Variants in ADAMTSL1 observed in about 807,000 individuals in gnomAD.
ADAMTSL1 encodes the protein ADAMTS like 1.
A neutral mutation model predicts 201.8 loss-of-function variants in ADAMTSL1; 126 were observed. The ratio of observed to expected loss-of-function variants is 0.62; its 90% CI spans 0.54 to 0.72. The LOEUF is 0.72. ADAMTSL1 is among the 30% of genes least tolerant of loss of function. The probability of loss-of-function intolerance (pLI) is 0.00; values close to 1 mark genes in which losing one functional copy is unlikely to be tolerated. For synonymous variants in ADAMTSL1, 1,121 were observed against 903.4 expected (o/e 1.24, Z -4.32); for missense variants, 2,679 against 2,277.8 (o/e 1.18, Z -3.59).
intron 1 of ADAMTSL1, among the ~76,000 whole-genome samples, chr9:18,082,903 C>T (rs1045813387): frequency 3.3e-5 from 5 of 152,166 alleles, no homozygotes; most frequent in African/African-American, 1.2e-4. Flanking sequence ...AATAGGAAAA[C>T]CCATAATTAG....
chr9:18,099,407 T>A (rs1381418400), intron 1 of ADAMTSL1, among the ~76,000 whole-genome samples: 1 of 142,810 alleles, frequency 7.0e-6, no homozygotes. Context: ...ATGCTTTGGT[T>A]TTGGTTGCTC....
At chr9:18,046,236 G>A (rs529217412) in intron 1 of ADAMTSL1, among the ~76,000 whole-genome samples, 21 of 152,222 alleles carry the variant, frequency 1.4e-4, no homozygotes, top group African/African-American at 4.8e-4. Context: ...AAACAAGAGC[G>A]ACTTAAATAA....
intron 2 of ADAMTSL1, among the ~76,000 whole-genome samples, chr9:18,391,824 CTTTTTTTT>C (rs11407945): frequency 1.7e-4 from 20 of 116,740 alleles, no homozygotes; most frequent in Admixed American, 2.1e-4. Context: ...TCTTTTCTTT[CTTTTTTTT>C]TTTTTTTTTT....
intron 1 of ADAMTSL1, among the ~76,000 whole-genome samples, chr9:18,480,217 C>T (rs1821654556): frequency 1.3e-5 from 2 of 152,188 alleles, no homozygotes; most frequent in South Asian, 4.1e-4. Context: ...TTTCTTCTTG[C>T]TACTGGGCAC....
intron 2 of ADAMTSL1, among the ~76,000 whole-genome samples, chr9:18,255,075 C>A (rs144501821): frequency 5.9e-5 from 9 of 152,134 alleles, no homozygotes; most frequent in African/African-American, 2.2e-4. Context: ...GTTTCTATAT[C>A]TGACTTGTCT....
intron 1 of ADAMTSL1, among the ~76,000 whole-genome samples, chr9:18,036,143 G>A (rs567968584): frequency 6.6e-6 from 1 of 152,152 alleles, no homozygotes; most frequent in African/African-American, 2.4e-5. Flanking sequence ...AGTAAAGAAT[G>A]ACAGAAGGAG....
chr9:18,772,686 T>C (rs1820763744), intron 17 of ADAMTSL1, among the ~76,000 whole-genome samples: 1 of 152,212 alleles, frequency 6.6e-6, no homozygotes, highest in Admixed American at 6.5e-5. Context: ...TAAAATACTT[T>C]GTGCCTACTA....
chr9:18,434,695 C>T (rs902266846), intron 2 of ADAMTSL1, among the ~76,000 whole-genome samples: 16 of 152,136 alleles, frequency 1.1e-4, no homozygotes, highest in South Asian at 6.2e-4. Flanking sequence ...TGGTTAATGT[C>T]ACTCCCACCC....
At chr9:18,740,478 C>CTTTTTTTTTTTTTTTTTTTTTTTT (rs11449360) in intron 15 of ADAMTSL1, among the ~76,000 whole-genome samples, 8 of 105,676 alleles carry the variant, frequency 7.6e-5, no homozygotes, top group East Asian at 2.8e-4. Flanking sequence ...TTTCTTTTAT[C>CTTTTTTTTTTTTTTTTTTTTTTTT]TTTTTTTTTT....
At chr9:17,944,189 A>T (rs1047652700) in intron 1 of ADAMTSL1, among the ~76,000 whole-genome samples, 3 of 152,170 alleles carry the variant, frequency 2.0e-5, no homozygotes, top group East Asian at 1.9e-4. Context: ...CAGAGAGCCA[A>T]ATCATGAGTG....
In ADAMTSL1 at chr9:18,221,006, C is replaced by A. The variant is rs530511598; in HGVS notation, c.207+57025C>A. On this transcript the variant is annotated intron_variant, in intron 2 of 29. Transcript: ENST00000680146. ...CCCAGGCTGGTCTCAAACTCATGAG[C>A]CTAAGAGACCCACCCTCTTTGGCCT... is the stretch of plus-strand genomic sequence containing the variant. Among the ~76,000 whole-genome samples the A allele has an allele frequency of 2.4e-3, 363 of 152,156 alleles. 3 individuals carry two copies. Among genetic ancestry groups the A allele is most frequent in the Middle Eastern group, 0.024 (7 of 294 alleles).
intron 20 of ADAMTSL1, among the ~76,000 whole-genome samples, chr9:18,807,366 C>T (rs191752949): frequency 5.9e-5 from 9 of 152,220 alleles, no homozygotes; most frequent in Admixed American, 2.6e-4. Flanking sequence ...TAGTACAGGC[C>T]GGGCGCGGTA....
chr9:18,373,806 A>G (rs1837162833), intron 2 of ADAMTSL1, among the ~76,000 whole-genome samples: 1 of 152,174 alleles, frequency 6.6e-6, no homozygotes, highest in African/African-American at 2.4e-5. Flanking sequence ...CCTGCTACCC[A>G]TAGCATTCTC....
chr9:18,283,277 C>G (rs918202405), intron 2 of ADAMTSL1, among the ~76,000 whole-genome samples: 2 of 152,014 alleles, frequency 1.3e-5, no homozygotes, highest in Non-Finnish European at 1.5e-5. Context: ...TATGCTCATC[C>G]TCTGCGTGAT....
intron 2 of ADAMTSL1, among the ~76,000 whole-genome samples, chr9:18,512,719 G>A (rs1382654467): frequency 1.3e-5 from 2 of 152,066 alleles, no homozygotes; most frequent in Non-Finnish European, 2.9e-5. Flanking sequence ...CTGTGGAACT[G>A]GGTTTTAAAA....
chr9:18,627,752 G>A (rs1290952586), intron 5 of ADAMTSL1, among the ~76,000 whole-genome samples: 1 of 151,970 alleles, frequency 6.6e-6, no homozygotes, highest in Non-Finnish European at 1.5e-5. Flanking sequence ...TAATTTTAAG[G>A]TGACCTGATT....
chr9:18,814,824 T>C (rs1411276773), intron 20 of ADAMTSL1, among the ~76,000 whole-genome samples: 1 of 152,132 alleles, frequency 6.6e-6, no homozygotes, highest in East Asian at 1.9e-4. Context: ...CAAACCCCCA[T>C]GACACAAGGT....
intron 20 of ADAMTSL1, among the ~76,000 whole-genome samples, chr9:18,812,972 T>A (rs2131158595): frequency 6.7e-6 from 1 of 149,470 alleles, no homozygotes; most frequent in African/African-American, 2.5e-5. Flanking sequence ...ATGTACTTTT[T>A]TTTTTTTTTT....
At chr9:18,303,383 C>T (rs1037241924) in intron 2 of ADAMTSL1, among the ~76,000 whole-genome samples, 2 of 152,194 alleles carry the variant, frequency 1.3e-5, no homozygotes, top group African/African-American at 4.8e-5. Context: ...TGAGATAGGT[C>T]TTTCTTCAAC....
Sources: gnomAD v4.1 joint callset for allele counts (sites outside exome capture counted in the v4.1 genomes callset) on GRCh38, gnomAD v4.1.1 for gene constraint, MANE v1.5 for transcripts, NCBI Gene and HGNC (gene_info 2026-07-23, HGNC 2026-07-21) for gene names.